The following KCNH2 variants were observed in gnomAD, a reference collection of about 807,000 sequenced individuals.
KCNH2 encodes voltage-gated inwardly rectifying potassium channel KCNH2.
In KCNH2, 35 loss-of-function variants were observed where a neutral mutation model predicts 95.9. That is an observed-to-expected ratio of 0.37 (90% confidence interval 0.28 to 0.48). The LOEUF (loss-of-function observed/expected upper bound fraction) is 0.48. Among genes scored for constraint, KCNH2 ranks in the 20% least tolerant of loss-of-function variants. KCNH2 has a pLI of 0.99. For synonymous variants in KCNH2, 786 were observed against 754.7 expected (o/e 1.04, Z -0.68); for missense variants, 1,274 against 1,702.9 (o/e 0.75, Z 4.43).
chr7:150,947,299 G>GCCCCCCCA (rs777790487), intron 13 of KCNH2, 29 bp downstream of exon 13: 1 of 1,518,584 alleles, frequency 6.6e-7, no homozygotes, highest in East Asian at 2.4e-5. Context: ...TCCAGGGCGT[G>GCCCCCCCA]CCCCCCCACC....
chr7:150,958,389 C>T lies in KCNH2; in HGVS notation c.586G>A (p.Val196Met). ...GGAGAPGAVV[V>M]DVDLTPAAPS... ...GCCGCGGGCGTCAGGTCCACGTCCA[C>T]CACCACGGCCCCCGGGGCGCCCGCG... Residue 196 changes from valine (V) to methionine (M), a missense_variant, in exon 4 of 15, where the codon GTG becomes ATG. This residue lies in a region of KCNH2 where 392 missense variants were observed against 429.9 expected (regional missense o/e 0.91). Transcript: ENST00000262186. The T allele has an allele frequency of 6.8e-7, 1 of 1,465,346 alleles. No individual in the cohort carries two copies. Among genetic ancestry groups the T allele is most frequent in the Non-Finnish European group, 9.0e-7 (1 of 1,115,008 alleles). 90.8% of individuals were successfully genotyped at this position (1,465,346 alleles called of 1,614,324 possible). A position where few individuals can be genotyped will look rare whatever the true frequency, so the allele number is the denominator to read the frequency against.
chr7:150,951,068 C>A lies in KCNH2; in HGVS notation c.1998G>T (p.Leu666=). ...TGTGGTAGCGGGCTGTGCCCGAGTACAGCCGCTGGATGATGGCCGACACGT... is the reference window on the plus strand; with the variant it reads ...TGTGGTAGCGGGCTGTGCCCGAGTAAAGCCGCTGGATGATGGCCGACACGT... ...FGNVSAIIQR[L]YSGTARYHTQ... The change falls in exon 8 of 15, where the codon CTG becomes CTT. Residue 666 remains leucine, a synonymous_variant. Transcript: ENST00000262186. The A allele has an allele frequency of 2.5e-6, 4 of 1,613,848 alleles. No individual in the cohort carries two copies. The highest frequency in any genetic ancestry group is 3.4e-6 in the Non-Finnish European group (4 of 1,179,868).
chr7:150,955,935 A>G, intron 5 of KCNH2: 1 of 760,610 alleles, frequency 1.3e-6, no homozygotes, highest in Non-Finnish European at 1.6e-6. Flanking sequence ...AGGCTCCTGC[A>G]GCGGCGCTCC....
intron 3 of KCNH2, among the ~76,000 whole-genome samples, chr7:150,959,043 G>A (rs1481731802): frequency 2.0e-5 from 3 of 152,218 alleles, no homozygotes; most frequent in African/African-American, 4.8e-5. Context: ...AAGGGGCTCC[G>A]AGCCTTTGTT....
intron 1 of KCNH2, among the ~76,000 whole-genome samples, chr7:150,976,730 A>AC (rs372819784): frequency 0.02 from 2,644 of 132,356 alleles, 57 homozygotes; most frequent in African/African-American, 0.061. Flanking sequence ...AGAATCCAGC[A>AC]CCCCCCCCCA....
Position 150,952,554 on chromosome 7 carries a change from G to A in KCNH2, c.1428C>T (p.Val476=), listed in dbSNP as rs773086158. The A allele has an allele frequency of 6.2e-7, 1 of 1,614,244 alleles. No individual in the cohort carries two copies. The highest frequency in any genetic ancestry group is 8.5e-7 in the Non-Finnish European group (1 of 1,180,048). ...GGCTGACCACCTCCTCGTTGGCATT[G>A]ACGTAGGTGGTGCGGAAGTTGATGA... ...DILINFRTTY[V]NANEEVVSHP... The change falls in exon 6 of 15, where the codon GTC becomes GTT. Residue 476 remains valine (V), a synonymous_variant. Coordinates refer to ENST00000262186, the MANE Select transcript of KCNH2 (RefSeq NM_000238.4). This position sits in a 1 kb window ranked among gnomAD's most constrained non-coding sequence, Gnocchi z 7.3.
chr7:150,951,241 C>A (rs918568445), intron 7 of KCNH2, 121 bp from the exon 8 acceptor site: 1 of 1,012,270 alleles, frequency 9.9e-7, no homozygotes, highest in Admixed American at 2.1e-5. Context: ...GCCCACGAGA[C>A]GCCCTTGTAC....
chr7:150,966,427 A>C (rs1801709249), intron 2 of KCNH2, among the ~76,000 whole-genome samples: 1 of 133,190 alleles, frequency 7.5e-6, no homozygotes, highest in South Asian at 2.6e-4. Context: ...GTGAAGCACC[A>C]ACAAACAAAT....
chr7:150,948,629 A>G, intron 10 of KCNH2, 86 bp from the exon 11 acceptor site: 1 of 1,326,170 alleles, frequency 7.5e-7, no homozygotes. Flanking sequence ...TAACACAGAA[A>G]AAGTAGGGCT....
In KCNH2 at chr7:150,958,168, C is replaced by A; in HGVS notation, c.807G>T (p.Arg269=). The A allele has an allele frequency of 7.4e-7, 1 of 1,344,842 alleles. No homozygotes were observed. The highest frequency in any genetic ancestry group is 9.5e-7 in the Non-Finnish European group (1 of 1,050,136). 83.3% of individuals were successfully genotyped at this position (1,344,842 alleles called of 1,614,324 possible). Residue 269 remains arginine, a synonymous_variant, in exon 4 of 15, where the codon CGG becomes CGT. Transcript: ENST00000262186. ...DASGSSCSLA[R]TRSRESCASV... The stretch of plus-strand genomic sequence containing the variant: ...TGGCGCAGCTTTCTCGGGAGCGCGT[C>A]CGGGCCAGGCTGCAGCTGGAGCCCG...
At chr7:150,958,622 T>C (rs1190230434) in intron 3 of KCNH2, 120 bp from the exon 4 acceptor site, 7 of 670,134 alleles carry the variant, frequency 1.0e-5, no homozygotes, top group Non-Finnish European at 1.6e-5. Context: ...CAACCCCCCA[T>C]CCCCACTTCC....
Position 150,962,574 on chromosome 7 carries a change from C to T in KCNH2, c.308-2838G>A, listed in dbSNP as rs1251827232. Among the ~76,000 whole-genome samples, 9 of 151,752 alleles carry T rather than the reference C, an allele frequency of 5.9e-5. No homozygotes were observed. The highest frequency in any genetic ancestry group is 2.1e-4 in the South Asian group (1 of 4,808). On this transcript the variant is annotated intron_variant, in intron 2 of 14. Coordinates refer to ENST00000262186, the MANE Select transcript of KCNH2 (RefSeq NM_000238.4). The surrounding 1 kb of genome is among the most constrained non-coding windows in gnomAD (Gnocchi z 5.7). ...CAGGGTCGCAGAAACTCTAGGTATA[C>T]GCCACCTCACAGCACAAGCCTGTAA...
At chr7:150,976,407 G>A (rs1461414068) in intron 1 of KCNH2, among the ~76,000 whole-genome samples, 2 of 152,136 alleles carry the variant, frequency 1.3e-5, no homozygotes, top group African/African-American at 4.8e-5. Context: ...CCAGGAGTCA[G>A]GGTTTCCTGT....
rs553291120 is a variant in KCNH2, at chr7:150,955,488, C to T, written c.1128+1803G>A. 8.4e-6 allele frequency: 13 copies of T among 1,549,156 alleles called. No individual in the cohort carries two copies. The highest frequency in any genetic ancestry group is 7.3e-5 in the East Asian group (3 of 40,954). ...AGAGCCCCTGTCCTGCTCGCCTTCC[C>T]GGCTGGGGCCGCCATGGAGGACTTG... On this transcript the variant is annotated intron_variant, in intron 5 of 14. Transcript: ENST00000262186.
At chr7:150,969,780 C>T (rs1801793333) in intron 2 of KCNH2, among the ~76,000 whole-genome samples, 1 of 152,222 alleles carries the variant, frequency 6.6e-6, no homozygotes, top group Admixed American at 6.5e-5. Flanking sequence ...TCCAGTACTG[C>T]AGGAGGCGGA....
Position 150,948,467 on chromosome 7 carries a change from G to T in KCNH2, c.2669C>A (p.Ser890Tyr). 1 of 1,611,000 alleles carries T rather than the reference G, an allele frequency of 6.2e-7. No homozygotes were observed. Residue 890 changes from serine (S) to tyrosine (Y), a missense_variant, in exon 11 of 15, where the codon TCC (serine) becomes TAC (tyrosine). This residue lies in a region of KCNH2 where 457 missense variants were observed against 416.1 expected (regional missense o/e 1.10). Transcript: ENST00000262186. ...GFSRQRKRKL[S>Y]FRRRTDKDTE... ...ACCCTTGTCCGTGCGCCTGCGGAAG[G>T]ACAACTTGCGCTTGCGTTGCCGACT...
rs141474346 is a variant in KCNH2, at chr7:150,976,067, G to A, written c.77-1126C>T. On this transcript the variant is annotated intron_variant, in intron 1 of 14. Transcript: ENST00000262186. Reference sequence around the variant, plus strand: ...CAGCCTCACTTGTGCCAGGCAAGATGCTCCTGGGATAAGAGCTTTTTATAA... The same window carrying A: ...CAGCCTCACTTGTGCCAGGCAAGATACTCCTGGGATAAGAGCTTTTTATAA... 1.0e-3 allele frequency among the ~76,000 whole-genome samples: 158 copies of A among 152,366 alleles called. 1 individual carries two copies. In the East Asian group the frequency reaches 0.027, roughly 26 times the overall value.
At chr7:150,966,485 C>A (rs1309967624) in intron 2 of KCNH2, among the ~76,000 whole-genome samples, 1 of 143,514 alleles carries the variant, frequency 7.0e-6, no homozygotes, top group Non-Finnish European at 1.5e-5. Context: ...AACATTCGAG[C>A]ATCAAAACAT....
chr7:150,956,651 C>G (rs1375175158), intron 5 of KCNH2, among the ~76,000 whole-genome samples: 1 of 152,174 alleles, frequency 6.6e-6, no homozygotes, highest in African/African-American at 2.4e-5. Context: ...GGGGTCTTCT[C>G]TGGCCCAGGA....
Sources: allele counts gnomAD v4.1 joint callset (sites outside exome capture counted in the v4.1 genomes callset), GRCh38; gene constraint gnomAD v4.1.1; regional missense constraint gnomAD v4.1.1; non-coding constraint Gnocchi (gnomAD v3.1); transcripts MANE v1.5; gene names NCBI Gene and HGNC (gene_info 2026-07-23, HGNC 2026-07-21).